The following HDAC9 variants were observed in gnomAD, a reference collection of about 807,000 sequenced individuals.
HDAC9 encodes the protein histone deacetylase 9, also known as MEF-2 interacting transcription repressor (MITR) protein.
A neutral mutation model predicts 139.4 loss-of-function variants in HDAC9; 41 were observed. The observed-to-expected ratio is 0.29, with a 90% CI of 0.23 to 0.38. The LOEUF is 0.38. Ranked by LOEUF, HDAC9 falls within the 10% of genes least tolerant of loss-of-function variation. The pLI, the probability that HDAC9 is intolerant of heterozygous loss-of-function variation, is 1.00. For missense variants in HDAC9, 1,147 were observed against 1,297.0 expected (o/e 0.88, Z 1.78); for synonymous variants, 517 against 476.2 (o/e 1.09, Z -1.12).
At position 18,165,134 on chromosome 7, in the gene HDAC9, A is replaced by G. The variant is rs543766563; in HGVS notation, c.25+2785A>G. On this transcript the variant is annotated intron_variant, in intron 2 of 12. Coordinates refer to the HDAC9 transcript ENST00000417496. ...TACTATTTCTAGTAATGTAATTTTT[A>G]TCAGAATTGCCAAATCTCAGAAGGA... Among the ~76,000 whole-genome samples the G allele has an allele frequency of 1.9e-4, 29 of 152,306 alleles. No homozygotes were observed. In the South Asian group the frequency reaches 5.8e-3, roughly 30 times the overall value.
At chr7:18,919,037 A>T (rs1218743652) in intron 22 of HDAC9, among the ~76,000 whole-genome samples, 1 of 152,066 alleles carries the variant, frequency 6.6e-6, no homozygotes, top group East Asian at 1.9e-4. Context: ...TACAACATAG[A>T]AAACTTTTTG....
chr7:18,700,489 G>A (rs548285375), intron 12 of HDAC9, among the ~76,000 whole-genome samples: 1 of 152,322 alleles, frequency 6.6e-6, no homozygotes, highest in South Asian at 2.1e-4. Context: ...ACCTCTGTGT[G>A]TTGGTAACAG....
chr7:18,497,769 C>G (rs527435103), intron 2 of HDAC9, among the ~76,000 whole-genome samples: 2 of 152,186 alleles, frequency 1.3e-5, no homozygotes, highest in East Asian at 3.9e-4. Context: ...CTTTTCAGCA[C>G]TATGCTTTAT....
At chr7:18,170,437 C>T (rs907814336) in intron 2 of HDAC9, among the ~76,000 whole-genome samples, 50 of 152,142 alleles carry the variant, frequency 3.3e-4, no homozygotes, top group African/African-American at 1.2e-3. Context: ...TGCAGAAGCT[C>T]TTCAGTTTAA....
intron 8 of HDAC9, among the ~76,000 whole-genome samples, chr7:18,638,889 C>T (rs115856210): frequency 6.6e-6 from 1 of 152,124 alleles, no homozygotes; most frequent in African/African-American, 2.4e-5. Context: ...TTTCCAACTC[C>T]AGTCAAGGAT....
At chr7:18,438,628 G>A (rs895435350) in intron 1 of HDAC9, among the ~76,000 whole-genome samples, 1 of 134,744 alleles carries the variant, frequency 7.4e-6, no homozygotes, top group Non-Finnish European at 1.6e-5. Context: ...TGAAAAGACA[G>A]TGATATGCTG....
chr7:18,699,511 T>G (rs924071678), intron 12 of HDAC9, among the ~76,000 whole-genome samples: 1 of 152,140 alleles, frequency 6.6e-6, no homozygotes, highest in South Asian at 2.1e-4. Flanking sequence ...AAGTATAAAA[T>G]CAGTACAGAA....
At position 18,727,580 on chromosome 7, in the gene HDAC9, C is replaced by T. The variant is rs779009866; in HGVS notation, c.1732C>T (p.Pro578Ser). The T allele has an allele frequency of 3.8e-6, 6 of 1,590,936 alleles. No homozygotes were observed. Among genetic ancestry groups the T allele is most frequent in the Admixed American group, 3.6e-5 (2 of 56,144 alleles). ...TACTGTGCTCTTTTCTTGGCAACAG[C>T]CTTTCCTGGAACCCACGCACACACG... ...SGEQAAFMQQ[P>S]FLEPTHTRAL... Residue 578 changes from proline (P) to serine (S), a missense_variant and splice_region_variant, in exon 13 of 26, where the codon CCT (proline) becomes TCT (serine). By Grantham distance (74) the Pro-to-Ser change is moderately conservative (BLOSUM62 -1). Around this residue, in one of 7 missense-constraint regions of HDAC9, gnomAD observed 256 missense variants for 219.2 expected, o/e 1.17. Transcript: ENST00000686413.
chr7:18,587,570 C>G (rs947660485), intron 3 of HDAC9, among the ~76,000 whole-genome samples: 1 of 152,048 alleles, frequency 6.6e-6, no homozygotes, highest in Non-Finnish European at 1.5e-5. Flanking sequence ...CTTTTTGAAT[C>G]GTTAGCTTCT....
chr7:18,966,034 A>G (rs1329785505), intron 24 of HDAC9, among the ~76,000 whole-genome samples: 1 of 152,184 alleles, frequency 6.6e-6, no homozygotes, highest in Non-Finnish European at 1.5e-5. Context: ...ATGAAGTATT[A>G]TTATCTATAG....
rs916898490 is a variant in HDAC9 at position 18,094,486 on chromosome 7, G to C, written c.-97+7273G>C. Among the ~76,000 whole-genome samples, 3 of 149,760 alleles carry C rather than the reference G, an allele frequency of 2.0e-5. No individual in the cohort carries two copies. In the East Asian group the frequency reaches 5.9e-4, roughly 29 times the overall value. ...TGCAGGGTCTTGCTCTACTCCCAAG[G>C]CTGGTGTGATCACAGCTCAGTATAA... On this transcript the variant is annotated intron_variant, in intron 1 of 12. Coordinates refer to the HDAC9 transcript ENST00000417496.
chr7:18,940,637 A>G (rs1313010948), intron 23 of HDAC9, among the ~76,000 whole-genome samples: 1 of 152,178 alleles, frequency 6.6e-6, no homozygotes, highest in Admixed American at 6.5e-5. Context: ...CATAGTTTTT[A>G]GAATTCATAA....
intron 17 of HDAC9, among the ~76,000 whole-genome samples, chr7:18,807,799 T>C (rs1283598403): frequency 6.6e-6 from 1 of 152,202 alleles, no homozygotes; most frequent in Non-Finnish European, 1.5e-5. Context: ...CTTGGTGTGA[T>C]TTCAGTCTTC....
At chr7:18,524,397 G>A (rs749590467) in intron 2 of HDAC9, among the ~76,000 whole-genome samples, 2 of 152,090 alleles carry the variant, frequency 1.3e-5, no homozygotes, top group Non-Finnish European at 2.9e-5. Flanking sequence ...GAGTGAAATT[G>A]CTTCAGCCAT....
intron 17 of HDAC9, among the ~76,000 whole-genome samples, chr7:18,828,745 C>A (rs537485720): frequency 6.6e-6 from 1 of 152,290 alleles, no homozygotes; most frequent in East Asian, 1.9e-4. Context: ...AAAGAATTTT[C>A]ACTTTGGATC....
At chr7:18,786,505 CCTCT>C (rs1791762750) in intron 16 of HDAC9, among the ~76,000 whole-genome samples, 1 of 125,336 alleles carries the variant, frequency 8.0e-6, no homozygotes, top group Non-Finnish European at 1.7e-5. Context: ...TTCCTTCCTT[CCTCT>C]CTCTCATGTA....
In HDAC9 at chr7:18,270,011, G is replaced by A. The variant is rs182500281; in HGVS notation, c.25+107662G>A. Among the ~76,000 whole-genome samples, 4 of 152,066 alleles carry A rather than the reference G, an allele frequency of 2.6e-5. No homozygotes were observed. In the East Asian group the frequency reaches 7.7e-4, roughly 29 times the overall value. ...TGGGCTGGATAATTCTTTGTTGTAG[G>A]GGCCTGTTGTGTTCGTTATAGGAGG... On this transcript the variant is annotated intron_variant, in intron 2 of 12. Transcript: ENST00000417496.
chr7:18,172,031 C>G (rs1351636978), intron 2 of HDAC9, among the ~76,000 whole-genome samples: 1 of 152,158 alleles, frequency 6.6e-6, no homozygotes, highest in African/African-American at 2.4e-5. Flanking sequence ...ACCAGTTCCT[C>G]TTTGTACTTC....
At chr7:18,710,397 G>A (rs1345992460) in intron 12 of HDAC9, among the ~76,000 whole-genome samples, 3 of 152,096 alleles carry the variant, frequency 2.0e-5, no homozygotes, top group Non-Finnish European at 4.4e-5. Context: ...AATCTTAAAT[G>A]CAAGCTCCTA....
Sources: allele counts gnomAD v4.1 joint callset (sites outside exome capture counted in the v4.1 genomes callset), GRCh38; gene constraint gnomAD v4.1.1; regional missense constraint gnomAD v4.1.1; transcripts MANE v1.5; gene names NCBI Gene and HGNC (gene_info 2026-07-23, HGNC 2026-07-21).